The following CTNNA3 variants were observed in gnomAD, a reference collection of about 807,000 sequenced individuals.
CTNNA3 encodes catenin alpha 3, also known as catenin alpha-3.
In CTNNA3, 76 loss-of-function variants were observed where a neutral mutation model predicts 95.7. The ratio of observed to expected loss-of-function variants is 0.79; its 90% confidence interval spans 0.66 to 0.96. The LOEUF (loss-of-function observed/expected upper bound fraction) is 0.96, where lower values mean the gene tolerates loss of function less well. Ranked by LOEUF, CTNNA3 falls within the 40% of genes least tolerant of loss-of-function variation. The pLI is 0.00. For synonymous variants in CTNNA3, 431 were observed against 374.4 expected, an observed-to-expected ratio of 1.15 and a Z score of -1.74; for missense variants, 1,191 against 1,089.8, an observed-to-expected ratio of 1.09 and a Z score of -1.31.
intron 17 of CTNNA3, among the ~76,000 whole-genome samples, chr10:65,960,303 G>A (rs749933342): frequency 1.9e-4 from 29 of 152,018 alleles, no homozygotes; most frequent in Middle Eastern, 3.4e-3. Context: ...TTGGGAGGCC[G>A]AGGTGGGTGG....
chr10:66,425,019 TGGTTG>T (rs1368099872), intron 11 of CTNNA3, among the ~76,000 whole-genome samples: 4 of 152,068 alleles, frequency 2.6e-5, no homozygotes. Flanking sequence ...CCCTATGATT[TGGTTG>T]GTTCTGCTTT....
intron 11 of CTNNA3, among the ~76,000 whole-genome samples, chr10:66,462,433 C>T (rs1589284701): frequency 6.6e-6 from 1 of 151,860 alleles, no homozygotes; most frequent in Non-Finnish European, 1.5e-5. Context: ...CTGCCATTTC[C>T]CTCCCACAAG....
chr10:67,491,036 A>T (rs555493252), intron 5 of CTNNA3, among the ~76,000 whole-genome samples: 4 of 152,256 alleles, frequency 2.6e-5, no homozygotes, highest in African/African-American at 9.6e-5. Flanking sequence ...CAAGTATTCT[A>T]AAAAGAAAAA....
At chr10:66,102,588 T>C (rs1401417248) in intron 14 of CTNNA3, among the ~76,000 whole-genome samples, 1 of 152,168 alleles carries the variant, frequency 6.6e-6, no homozygotes, top group African/African-American at 2.4e-5. Flanking sequence ...GTGGCTAGGA[T>C]GCCAAACTTT....
At chr10:67,166,192 AG>A (rs2132101773) in intron 7 of CTNNA3, among the ~76,000 whole-genome samples, 1 of 152,312 alleles carries the variant, frequency 6.6e-6, no homozygotes, top group South Asian at 2.1e-4. Context: ...ACTGCTAAAG[AG>A]GGCAGGTGAT....
chr10:67,077,588 T>G (rs1282898880), intron 7 of CTNNA3, among the ~76,000 whole-genome samples: 1 of 152,196 alleles, frequency 6.6e-6, no homozygotes, highest in East Asian at 1.9e-4. Flanking sequence ...TCAACTCTTG[T>G]GAAACTTTCT....
rs1323214416 is a variant in CTNNA3 at position 67,509,084 on chromosome 10, C to A, written c.579+12758G>T. Among the ~76,000 whole-genome samples, 9 of 152,182 alleles carry A rather than the reference C, an allele frequency of 5.9e-5. No individual in the cohort carries two copies. In the South Asian group the frequency reaches 1.2e-3, roughly 21 times the overall value. ...AGAGACGGGGTTTCACCATGTTGGCCAGGCTGGTCTTGAACTCTTGACCTC... is the reference window on the plus strand; with the variant it reads ...AGAGACGGGGTTTCACCATGTTGGCAAGGCTGGTCTTGAACTCTTGACCTC... On this transcript the variant is annotated intron_variant, in intron 5 of 17. Coordinates refer to ENST00000433211, the MANE Select transcript of CTNNA3 (RefSeq NM_013266.4).
At chr10:66,128,026 C>A (rs560840511) in intron 13 of CTNNA3, among the ~76,000 whole-genome samples, 12 of 152,030 alleles carry the variant, frequency 7.9e-5, no homozygotes, top group Non-Finnish European at 1.6e-4. Context: ...GAGCTGAGAT[C>A]ACACCACTGT....
intron 7 of CTNNA3, among the ~76,000 whole-genome samples, chr10:66,944,866 GAGCAGTA>G (rs1248074652): frequency 6.6e-6 from 1 of 152,170 alleles, no homozygotes; most frequent in Non-Finnish European, 1.5e-5. Flanking sequence ...CATTATCAGT[GAGCAGTA>G]ATACTTTGAA....
intron 5 of CTNNA3, among the ~76,000 whole-genome samples, chr10:67,223,417 A>G (rs1346458269): frequency 6.6e-6 from 1 of 152,186 alleles, no homozygotes; most frequent in African/African-American, 2.4e-5. Flanking sequence ...TTAATCAGGG[A>G]TTTCTTTGGA....
rs149618174 is a variant in CTNNA3 at position 66,451,829 on chromosome 10, C to G, written c.1531+68788G>C. ...CTTTTACCATGTCATAAAGCAAATG[C>G]TAACTCCTACTTCCTAAGCATCCCG... On this transcript the variant is annotated intron_variant, in intron 11 of 17. Transcript: ENST00000433211. Among the ~76,000 whole-genome samples the G allele has an allele frequency of 3.3e-3, 505 of 152,278 alleles. 1 individual carries two copies. Among genetic ancestry groups the G allele is most frequent in the African/African-American group, 0.012 (484 of 41,556 alleles).
chr10:66,530,836 C>T (rs10997220), intron 10 of CTNNA3, among the ~76,000 whole-genome samples: 11,207 of 152,068 alleles, frequency 0.074, 647 homozygotes, highest in Non-Finnish European at 0.11. Flanking sequence ...ACCAAGCTAT[C>T]CTATTCTAGG....
chr10:66,253,640 C>T (rs1002197940), intron 13 of CTNNA3, among the ~76,000 whole-genome samples: 3 of 152,144 alleles, frequency 2.0e-5, no homozygotes, highest in Admixed American at 6.6e-5. Flanking sequence ...ATGAAGGTTT[C>T]TTTCACAATA....
At chr10:66,189,617 TACACACATACACACAC>T (rs2086554186) in intron 13 of CTNNA3, among the ~76,000 whole-genome samples, 11 of 140,284 alleles carry the variant, frequency 7.8e-5, no homozygotes, top group African/African-American at 1.4e-4. Context: ...TATATATATA[TACACACATACACACAC>T]ATATACATAT....
At chr10:67,282,746 C>T (rs1477087149) in intron 5 of CTNNA3, among the ~76,000 whole-genome samples, 1 of 152,162 alleles carries the variant, frequency 6.6e-6, no homozygotes, top group African/African-American at 2.4e-5. Context: ...TGTGTGACTA[C>T]TGACTTTCAA....
intron 5 of CTNNA3, among the ~76,000 whole-genome samples, chr10:67,420,658 T>A (rs766202132): frequency 3.9e-5 from 6 of 152,304 alleles, no homozygotes; most frequent in Non-Finnish European, 7.4e-5. Flanking sequence ...ATTTATTTTC[T>A]CAGAGCACAG....
intron 5 of CTNNA3, among the ~76,000 whole-genome samples, chr10:67,443,892 A>G (rs1038206355): frequency 6.6e-6 from 1 of 152,138 alleles, no homozygotes; most frequent in African/African-American, 2.4e-5. Context: ...CCTGAATGGT[A>G]ATGCCTAGGT....
Position 67,238,334 on chromosome 10 carries a change from A to G in CTNNA3, c.580-18464T>C, listed in dbSNP as rs1465067203. Among the ~76,000 whole-genome samples, 8 of 152,272 alleles carry G rather than the reference A, an allele frequency of 5.3e-5. No homozygotes were observed. The South Asian group carries it at 1.0e-3, about 20-fold the overall frequency. On this transcript the variant is annotated intron_variant, in intron 5 of 17. Transcript: ENST00000433211. Reference sequence around the variant, plus strand: ...CAATAAGGAGAAGAATCTAGGAGTCATCGTAAATTGTTCCTTGAGTATATC... The same window carrying G: ...CAATAAGGAGAAGAATCTAGGAGTCGTCGTAAATTGTTCCTTGAGTATATC...
At chr10:66,285,610 A>G (rs1166741518) in intron 12 of CTNNA3, among the ~76,000 whole-genome samples, 1 of 151,828 alleles carries the variant, frequency 6.6e-6, no homozygotes, top group Admixed American at 6.6e-5. Flanking sequence ...GACCTGAACC[A>G]AGTAATGTTC....
Sources: gnomAD v4.1 joint callset for allele counts (sites outside exome capture counted in the v4.1 genomes callset) on GRCh38, gnomAD v4.1.1 for gene constraint, MANE v1.5 for transcripts, NCBI Gene and HGNC (gene_info 2026-07-23, HGNC 2026-07-21) for gene names.